CAMK2A: variants seen among roughly 807,000 people sequenced by gnomAD.
CAMK2A encodes the protein calcium/calmodulin-dependent protein kinase type II subunit alpha.
In CAMK2A, 7 loss-of-function variants were observed where a neutral mutation model predicts 79.2. The ratio of observed to expected loss-of-function variants is 0.09; its 90% CI spans 0.05 to 0.17. The LOEUF is 0.17. Ranked by LOEUF, CAMK2A falls within the 10% of genes least tolerant of loss-of-function variation. The pLI is 1.00. For synonymous variants in CAMK2A, 242 were observed against 251.7 expected, an observed-to-expected ratio of 0.96 and a Z score of 0.36; for missense variants, 214 against 646.4, an observed-to-expected ratio of 0.33 and a Z score of 7.25.
chr5:150,230,929 A>G (rs1754810636), intron 16 of CAMK2A, among the ~76,000 whole-genome samples: 1 of 152,200 alleles, frequency 6.6e-6, no homozygotes, highest in African/African-American at 2.4e-5. Flanking sequence ...CCTACTGGGC[A>G]GGAATGAAGG....
intron 2 of CAMK2A, among the ~76,000 whole-genome samples, chr5:150,270,659 C>T (rs910129707): frequency 6.6e-6 from 1 of 152,116 alleles, no homozygotes; most frequent in African/African-American, 2.4e-5. Context: ...TTTGCTCCTC[C>T]TCTCCCGCTG....
At chr5:150,248,012 C>T (rs893848878) in intron 11 of CAMK2A, among the ~76,000 whole-genome samples, 198 bp from the exon 12 acceptor site, 13 of 152,154 alleles carry the variant, frequency 8.5e-5, no homozygotes, top group African/African-American at 1.4e-4. Flanking sequence ...CTGGAGAAGT[C>T]GGGGTGAGCT....
chr5:150,219,500 G>A lies in CAMK2A; in HGVS notation c.*3210C>T, dbSNP rs1754182329. The A allele has an allele frequency of 6.6e-6, 1 of 151,748 alleles. No individual in the cohort carries two copies. Among genetic ancestry groups the A allele is most frequent in the Non-Finnish European group, 1.5e-5 (1 of 67,950 alleles). 9.4% of individuals were successfully genotyped at this position (151,748 alleles called of 1,614,324 possible). The stretch of plus-strand genomic sequence containing the variant: ...ACAGGGACACACAGAGTGCACAGAA[G>A]TTTGTAGCTATTTATTGCACTGAAA... On this transcript the variant is annotated 3_prime_UTR_variant, in exon 19 of 19. Coordinates refer to ENST00000671881, the MANE Select transcript of CAMK2A (RefSeq NM_015981.4).
chr5:150,257,701 C>T (rs1756119235), intron 3 of CAMK2A, 84 bp from the exon 4 acceptor site: 1 of 1,049,240 alleles, frequency 9.5e-7, no homozygotes, highest in South Asian at 1.4e-5. Flanking sequence ...CCGTGTATAT[C>T]CAACACCCCC....
At chr5:150,289,791 TGCTC>T, upstream of CAMK2A, 1 of 550,004 alleles carries the variant, frequency 1.8e-6, no homozygotes. Flanking sequence ...GCACTGTGGC[TGCTC>T]ACAGCCTCGC....
At chr5:150,224,542 C>T (rs75019577) in intron 17 of CAMK2A, among the ~76,000 whole-genome samples, 34 of 152,072 alleles carry the variant, frequency 2.2e-4, no homozygotes, top group Non-Finnish European at 4.0e-4. Flanking sequence ...ATCAGAAGCA[C>T]GCTACACCCA....
intron 17 of CAMK2A, among the ~76,000 whole-genome samples, chr5:150,227,904 C>T (rs1407440073): frequency 6.6e-6 from 1 of 152,156 alleles, no homozygotes; most frequent in African/African-American, 2.4e-5. Flanking sequence ...TCCCCAGGCC[C>T]CTCCCAGGGT....
intron 17 of CAMK2A, among the ~76,000 whole-genome samples, chr5:150,225,061 A>AGAGAAAGT: frequency 6.6e-6 from 1 of 151,326 alleles, no homozygotes; most frequent in East Asian, 1.9e-4. Context: ...AGAGAGAGAG[A>AGAGAAAGT]GAGAGAGAGA....
intron 18 of CAMK2A, 23 bp from the exon 19 acceptor site, chr5:150,222,736 T>C (rs973606866): frequency 3.7e-6 from 6 of 1,613,792 alleles, no homozygotes; most frequent in Non-Finnish European, 5.1e-6. Context: ...CACGGGGTGC[T>C]TCTCAGGGCA....
At chr5:150,289,790 C>A, upstream of CAMK2A, 1 of 550,212 alleles carries the variant, frequency 1.8e-6, no homozygotes, top group Non-Finnish European at 3.2e-6. Context: ...GGCACTGTGG[C>A]TGCTCACAGC....
intron 15 of CAMK2A, among the ~76,000 whole-genome samples, chr5:150,233,076 G>A (rs1231788548): frequency 6.6e-6 from 1 of 152,216 alleles, no homozygotes. Flanking sequence ...TGAGCTCTTG[G>A]GGGCTGGGCT....
At chr5:150,276,411 T>C (rs1756947327) in intron 1 of CAMK2A, among the ~76,000 whole-genome samples, 1 of 152,168 alleles carries the variant, frequency 6.6e-6, no homozygotes, top group Non-Finnish European at 1.5e-5. Flanking sequence ...GGAGGTGGAT[T>C]TCAGCAAGAG....
intron 13 of CAMK2A, among the ~76,000 whole-genome samples, chr5:150,240,395 C>G (rs923474130): frequency 2.6e-4 from 39 of 152,222 alleles, no homozygotes; most frequent in African/African-American, 8.7e-4. Flanking sequence ...CATTCACAAC[C>G]TCCTGGTGGC....
At chr5:150,249,309 C>T (rs935980442) in intron 11 of CAMK2A, among the ~76,000 whole-genome samples, 3 of 152,240 alleles carry the variant, frequency 2.0e-5, no homozygotes, top group Admixed American at 6.5e-5. Flanking sequence ...TCTGGGACCA[C>T]CTGGGTGCCA....
chr5:150,272,577 A>G (rs1286290218), intron 2 of CAMK2A, among the ~76,000 whole-genome samples: 3 of 151,660 alleles, frequency 2.0e-5, no homozygotes, highest in Admixed American at 2.0e-4. Context: ...CATCTCAAAA[A>G]AAAAAAAAAA....
chr5:150,226,582 T>A (rs1214828951), intron 17 of CAMK2A, among the ~76,000 whole-genome samples: 2 of 151,318 alleles, frequency 1.3e-5, no homozygotes, highest in African/African-American at 4.9e-5. Flanking sequence ...ACTAAAAATA[T>A]AAAAATTAGC....
At chr5:150,264,884 C>G (rs1756444409) in intron 3 of CAMK2A, 72 bp downstream of exon 3, 1 of 1,204,066 alleles carries the variant, frequency 8.3e-7, no homozygotes, top group Admixed American at 1.7e-5. Flanking sequence ...AACCCGCAAA[C>G]ACCCACGTGC....
chr5:150,245,295 G>T, intron 12 of CAMK2A, 94 bp from the exon 13 acceptor site: 1 of 1,204,556 alleles, frequency 8.3e-7, no homozygotes, highest in Non-Finnish European at 1.2e-6. Context: ...CAGCCGGAGG[G>T]CAGACTGCAG....
rs1213806955 is a variant in CAMK2A, at chr5:150,231,291, C to A, written c.1142+14G>T. On this transcript the variant is annotated intron_variant, in intron 16 of 18. Transcript: ENST00000671881. Reference sequence around the variant, plus strand: ...ATCCAGGCAGGACATGCAGAATGAGCCCAGCTGACTCACGTGTAGGACTCA... The same window carrying A: ...ATCCAGGCAGGACATGCAGAATGAGACCAGCTGACTCACGTGTAGGACTCA... The A allele has an allele frequency of 1.3e-6, 2 of 1,533,258 alleles. No individual in the cohort carries two copies. The highest frequency in any genetic ancestry group is 8.9e-7 in the Non-Finnish European group (1 of 1,125,204). 95.0% of individuals were successfully genotyped at this position (1,533,258 alleles called of 1,614,324 possible).
Sources: allele counts gnomAD v4.1 joint callset (sites outside exome capture counted in the v4.1 genomes callset), GRCh38; gene constraint gnomAD v4.1.1; transcripts MANE v1.5; gene names NCBI Gene and HGNC (gene_info 2026-07-23, HGNC 2026-07-21).